The following AGAP1 variants were observed in gnomAD, a reference collection of about 807,000 sequenced individuals.
AGAP1 encodes ArfGAP with GTPase domain, ankyrin repeat and PH domain 1.
AGAP1 carries 29 observed loss-of-function variants against 105.3 expected under a neutral mutation model. The observed-to-expected ratio is 0.28, with a 90% confidence interval of 0.21 to 0.38. The LOEUF (loss-of-function observed/expected upper bound fraction) is 0.38. Among genes scored for constraint, AGAP1 ranks in the 10% least tolerant of loss-of-function variants. The pLI is 1.00. For missense variants in AGAP1, 998 were observed against 1,165.1 expected (o/e 0.86, Z 2.09); for synonymous variants, 509 against 485.9 (o/e 1.05, Z -0.63).
At chr2:235,966,900 T>A (rs577220374) in intron 12 of AGAP1, among the ~76,000 whole-genome samples, 1 of 152,308 alleles carries the variant, frequency 6.6e-6, no homozygotes, top group African/African-American at 2.4e-5. Flanking sequence ...ATTTCTCAGA[T>A]ACCTTAAATT....
At chr2:235,726,212 T>C (rs1951637029) in intron 3 of AGAP1, among the ~76,000 whole-genome samples, 1 of 152,136 alleles carries the variant, frequency 6.6e-6, no homozygotes, top group Non-Finnish European at 1.5e-5. Flanking sequence ...GGGAGCGCCC[T>C]AAAGAGGACA....
rs1318523117 is a variant in AGAP1, at chr2:235,981,326, C to T, written c.1645+12703C>T. Among the ~76,000 whole-genome samples the T allele has an allele frequency of 6.6e-6, 1 of 152,064 alleles. No homozygotes were observed. Among genetic ancestry groups the T allele is most frequent in the Non-Finnish European group, 1.5e-5 (1 of 67,992 alleles). On this transcript the variant is annotated intron_variant, in intron 13 of 17. Coordinates refer to ENST00000304032, the MANE Select transcript of AGAP1 (RefSeq NM_001037131.3). The surrounding 1 kb of genome is among the most constrained non-coding windows in gnomAD (Gnocchi z 5.5). Reference sequence around the variant, plus strand: ...TATTCATTTGGGTCTTTCTTGCTTTCTTCAGGTAGGAATGATTTTCCCCTT... The same window carrying T: ...TATTCATTTGGGTCTTTCTTGCTTTTTTCAGGTAGGAATGATTTTCCCCTT...
chr2:235,856,954 C>T (rs920984238), intron 9 of AGAP1, among the ~76,000 whole-genome samples: 2 of 152,184 alleles, frequency 1.3e-5, no homozygotes, highest in African/African-American at 4.8e-5. Context: ...GAAAGAATGC[C>T]GCTGTAGGGA....
rs1041638898 is a variant in AGAP1, at chr2:236,073,760, G to C, written c.2114+24479G>C. On this transcript the variant is annotated intron_variant, in intron 16 of 17. Transcript: ENST00000304032. This position sits in a 1 kb window ranked among gnomAD's most constrained non-coding sequence, Gnocchi z 5.4. ...TGGTGGTGGGGGTACAGGCAGGTCAGCTTGTTCACATGGGCTGCAAACATG... is the reference window on the plus strand; with the variant it reads ...TGGTGGTGGGGGTACAGGCAGGTCACCTTGTTCACATGGGCTGCAAACATG... 1.3e-5 allele frequency among the ~76,000 whole-genome samples: 2 copies of C among 152,092 alleles called. No homozygotes were observed. Among genetic ancestry groups the C allele is most frequent in the African/African-American group, 2.4e-5 (1 of 41,418 alleles).
In AGAP1 at chr2:235,799,656, G is replaced by A; in HGVS notation, c.957+134G>A. ...TAAAGTGAATAACATTGATTTCTGT[G>A]GAGGACTAAGAAAATTAAGAGAAGC... On this transcript the variant is annotated intron_variant, in intron 8 of 17. Coordinates refer to ENST00000304032, the MANE Select transcript of AGAP1 (RefSeq NM_001037131.3). The surrounding 1 kb of genome is among the most constrained non-coding windows in gnomAD (Gnocchi z 5.0). The A allele has an allele frequency of 1.9e-6, 2 of 1,044,536 alleles. No individual in the cohort carries two copies. The highest frequency in any genetic ancestry group is 4.4e-5 in the South Asian group (2 of 45,878). 64.7% of individuals were successfully genotyped at this position (1,044,536 alleles called of 1,614,324 possible).
chr2:236,117,305 A>AGG (rs565837723), intron 16 of AGAP1, among the ~76,000 whole-genome samples: 12 of 152,196 alleles, frequency 7.9e-5, no homozygotes, highest in Non-Finnish European at 1.5e-4. Flanking sequence ...TGAAGGATGA[A>AGG]GGTGGTATCA....
intron 16 of AGAP1, among the ~76,000 whole-genome samples, chr2:236,068,074 C>A (rs2058392750): frequency 6.6e-6 from 1 of 152,100 alleles, no homozygotes; most frequent in South Asian, 2.1e-4. Context: ...AAGTTTGAGA[C>A]CAGCCCGGCC....
chr2:235,605,814 T>C (rs1945913579), intron 1 of AGAP1, among the ~76,000 whole-genome samples: 2 of 152,172 alleles, frequency 1.3e-5, no homozygotes, highest in African/African-American at 4.8e-5. Flanking sequence ...GCAGATCCGA[T>C]GAGTATAGAG....
chr2:235,803,127 G>C (rs1240698626), intron 8 of AGAP1, among the ~76,000 whole-genome samples: 2 of 145,202 alleles, frequency 1.4e-5, no homozygotes, highest in Admixed American at 7.0e-5. Context: ...GATGATGATG[G>C]TTGTGGTGAT....
intron 1 of AGAP1, among the ~76,000 whole-genome samples, chr2:235,686,621 A>ATG (rs1559350432): frequency 4.3e-5 from 1 of 23,118 alleles, no homozygotes; most frequent in African/African-American, 1.6e-4. Context: ...GGAGATATAG[A>ATG]TATATATATA....
At chr2:235,575,179 T>C (rs1035485492) in intron 1 of AGAP1, among the ~76,000 whole-genome samples, 1 of 151,884 alleles carries the variant, frequency 6.6e-6, no homozygotes, top group African/African-American at 2.4e-5. Context: ...AAAGAGATGG[T>C]GGTTGGATTT....
Position 235,874,095 on chromosome 2 carries a change from G to A in AGAP1, c.1051-9250G>A, listed in dbSNP as rs148352788. ...TTGTTTTGAGACAGGGTCTTGCTCT[G>A]TCGCCAGGCTGGAGTGCAGTGGCGT... is the stretch of plus-strand genomic sequence containing the variant. On this transcript the variant is annotated intron_variant, in intron 9 of 17. Coordinates refer to ENST00000304032, the MANE Select transcript of AGAP1 (RefSeq NM_001037131.3). This position sits in a 1 kb window ranked among gnomAD's most constrained non-coding sequence, Gnocchi z 4.5. 7.4e-3 allele frequency among the ~76,000 whole-genome samples: 1,124 copies of A among 151,246 alleles called. 5 individuals are homozygous for A. The highest frequency in any genetic ancestry group is 9.9e-3 in the Non-Finnish European group (673 of 67,808).
chr2:235,576,227 G>T (rs1194021952), intron 1 of AGAP1, among the ~76,000 whole-genome samples: 3 of 152,154 alleles, frequency 2.0e-5, no homozygotes, highest in Non-Finnish European at 4.4e-5. Flanking sequence ...TAGGGGCTTT[G>T]GTCGCCTCTG....
Position 236,042,559 on chromosome 2 carries a change from T to C in AGAP1, c.1891+1718T>C, listed in dbSNP as rs907176621. ...CACGAATCTGAGAAATATTAGAACATCCATTAAGGAAAATGCCTGCAGTTG... is the reference window on the plus strand; with the variant it reads ...CACGAATCTGAGAAATATTAGAACACCCATTAAGGAAAATGCCTGCAGTTG... On this transcript the variant is annotated intron_variant, in intron 15 of 17. Coordinates refer to ENST00000304032, the MANE Select transcript of AGAP1 (RefSeq NM_001037131.3). The surrounding 1 kb of genome is among the most constrained non-coding windows in gnomAD (Gnocchi z 5.6). 6.6e-6 allele frequency among the ~76,000 whole-genome samples: 1 copy of C among 152,170 alleles called. No individual in the cohort carries two copies. Among genetic ancestry groups the C allele is most frequent in the Non-Finnish European group, 1.5e-5 (1 of 68,034 alleles).
At chr2:235,763,061 C>T (rs566592993) in intron 6 of AGAP1, among the ~76,000 whole-genome samples, 35,322 of 145,758 alleles carry the variant, frequency 0.24, 4,578 homozygotes, top group Admixed American at 0.39. Context: ...TATGTGTGCG[C>T]GCGCGCGCAC....
chr2:235,782,306 C>G (rs542178377), intron 6 of AGAP1, among the ~76,000 whole-genome samples: 1 of 151,234 alleles, frequency 6.6e-6, no homozygotes, highest in African/African-American at 2.4e-5. Context: ...GTTTTGAAAA[C>G]AGAGGTAATG....
rs1435170304 is a variant in AGAP1, at chr2:236,046,884, A to T, written c.1892-2175A>T. Among the ~76,000 whole-genome samples the T allele has an allele frequency of 6.6e-6, 1 of 152,166 alleles. No individual in the cohort carries two copies. Among genetic ancestry groups the T allele is most frequent in the Non-Finnish European group, 1.5e-5 (1 of 68,032 alleles). ...ACAGTGGCTCATGCCTGTAATCCCA[A>T]CACTTTGGGAGGCCCAGGCAGGAGG... On this transcript the variant is annotated intron_variant, in intron 15 of 17. Coordinates refer to ENST00000304032, the MANE Select transcript of AGAP1 (RefSeq NM_001037131.3). The surrounding 1 kb of genome is among the most constrained non-coding windows in gnomAD (Gnocchi z 5.2).
At chr2:235,868,872 G>A (rs1244515548) in intron 9 of AGAP1, among the ~76,000 whole-genome samples, 2 of 152,142 alleles carry the variant, frequency 1.3e-5, no homozygotes, top group African/African-American at 4.8e-5. Context: ...TACACATGAC[G>A]AATAAAGGGA....
At chr2:236,085,022 G>A (rs1466213704) in intron 16 of AGAP1, among the ~76,000 whole-genome samples, 2 of 151,738 alleles carry the variant, frequency 1.3e-5, no homozygotes, top group Non-Finnish European at 2.9e-5. Context: ...AGACCAGCCT[G>A]GCCAACATAG....
Sources: gnomAD v4.1 joint callset for allele counts (sites outside exome capture counted in the v4.1 genomes callset) on GRCh38, gnomAD v4.1.1 for gene constraint, Gnocchi (gnomAD v3.1) non-coding constraint, MANE v1.5 for transcripts, NCBI Gene and HGNC (gene_info 2026-07-23, HGNC 2026-07-21) for gene names.